SLIT2: variants seen among roughly 807,000 people sequenced by gnomAD.
SLIT2 encodes the protein slit guidance ligand 2, also known as slit homolog 2 protein.
A neutral mutation model predicts 185.7 loss-of-function variants in SLIT2; 41 were observed. The observed-to-expected ratio is 0.22, with a 90% confidence interval of 0.17 to 0.29. The LOEUF (loss-of-function observed/expected upper bound fraction) is 0.29, where lower values mean the gene tolerates loss of function less well. SLIT2 is among the 10% of genes least tolerant of loss of function. The probability of loss-of-function intolerance (pLI) is 1.00; values close to 1 mark genes in which losing one functional copy is unlikely to be tolerated. For synonymous variants in SLIT2, 693 were observed against 680.2 expected (o/e 1.02, Z -0.29); for missense variants, 1,571 against 1,909.0 (o/e 0.82, Z 3.30).
rs962548722 is a variant in SLIT2 at position 20,490,916 on chromosome 4, G to A, written c.776-845G>A. ...CTGGCTTGCAGCCTCTTCCTGGCAC[G>A]TCACCACCACTAGGGCCCTTTCCTG... On this transcript the variant is annotated intron_variant, in intron 8 of 36. Transcript: ENST00000504154. 5.3e-5 allele frequency: 46 copies of A among 872,320 alleles called. No individual in the cohort carries two copies. The East Asian group carries it at 5.6e-4, about 11-fold the overall frequency. 54.0% of individuals were successfully genotyped at this position (872,320 alleles called of 1,614,324 possible).
At chr4:20,493,741 ACAC>A (rs913950318) in intron 9 of SLIT2, among the ~76,000 whole-genome samples, 16 of 152,170 alleles carry the variant, frequency 1.1e-4, no homozygotes, top group African/African-American at 3.9e-4. Flanking sequence ...GAAATAATTA[ACAC>A]ACATAGAGCT....
chr4:20,510,569 G>A lies in SLIT2; in HGVS notation c.986+3G>A. On this transcript the variant is annotated splice_donor_region_variant and intron_variant, in intron 10 of 36. Transcript: ENST00000504154. ...CCATATAAAAAGCTTAGACGAATGT[G>A]AGTGAACAATATTCTACAATATATG... 6.4e-7 allele frequency: 1 copy of A among 1,564,908 alleles called. No individual in the cohort carries two copies. Among genetic ancestry groups the A allele is most frequent in the South Asian group, 1.1e-5 (1 of 89,924 alleles).
intron 4 of SLIT2, among the ~76,000 whole-genome samples, chr4:20,303,712 A>G (rs557045649): frequency 1.3e-5 from 2 of 152,186 alleles, no homozygotes; most frequent in Admixed American, 1.3e-4. Flanking sequence ...AGACATATGT[A>G]TGTGGTTTCT....
At chr4:20,519,351 TA>T (rs1720610823) in intron 11 of SLIT2, 30 bp from the exon 12 acceptor site, 1 of 1,153,048 alleles carries the variant, frequency 8.7e-7, no homozygotes, top group African/African-American at 1.5e-5. Flanking sequence ...GTTTGGTGTC[TA>T]ATTTTTTTCA....
Position 20,253,460 on chromosome 4 carries a change from G to T in SLIT2, c.-356G>T, listed in dbSNP as rs964896978. On this transcript the variant is annotated 5_prime_UTR_variant, in exon 1 of 37. Coordinates refer to ENST00000504154, the MANE Select transcript of SLIT2 (RefSeq NM_004787.4). Reference sequence around the variant, plus strand: ...AACCGGCCCCTGCATCTTAGCAGCCGTTGGAAGCCCCAGCTCTTTTACCGC... The same window carrying T: ...AACCGGCCCCTGCATCTTAGCAGCCTTTGGAAGCCCCAGCTCTTTTACCGC... The T allele has an allele frequency of 1.7e-5, 5 of 290,862 alleles. No homozygotes were observed. Among genetic ancestry groups the T allele is most frequent in the East Asian group, 1.4e-4 (2 of 13,988 alleles). The allele number at this position is 290,862 out of a possible 1,614,324, so 18.0% of individuals were successfully genotyped here.
intron 33 of SLIT2, among the ~76,000 whole-genome samples, chr4:20,605,699 T>TTCTTTTA (rs1728739233): frequency 6.9e-6 from 1 of 144,986 alleles, no homozygotes; most frequent in Non-Finnish European, 1.5e-5. Context: ...ATCACTGCTT[T>TTCTTTTA]TATTTTATTT....
chr4:20,466,147 A>G (rs373870133), intron 4 of SLIT2, among the ~76,000 whole-genome samples: 1 of 152,078 alleles, frequency 6.6e-6, no homozygotes, highest in African/African-American at 2.4e-5. Flanking sequence ...TGTGTCTTCT[A>G]TCTCTCTTTG....
intron 4 of SLIT2, among the ~76,000 whole-genome samples, chr4:20,289,017 G>A (rs1715546549): frequency 6.6e-6 from 1 of 152,008 alleles, no homozygotes; most frequent in Non-Finnish European, 1.5e-5. Flanking sequence ...TAAACTAGTT[G>A]AGATACGTCT....
Position 20,541,625 on chromosome 4 carries a change from A to G in SLIT2, c.2143+6A>G. ...GGACTTCACTTGTGATGACGGTAAG[A>G]AATACTTATCAACTCTTTGATTGTC... On this transcript the variant is annotated splice_donor_region_variant and intron_variant, in intron 20 of 36. Coordinates refer to ENST00000504154, the MANE Select transcript of SLIT2 (RefSeq NM_004787.4). The G allele has an allele frequency of 6.2e-7, 1 of 1,612,810 alleles. No individual in the cohort carries two copies. Among genetic ancestry groups the G allele is most frequent in the Non-Finnish European group, 8.5e-7 (1 of 1,178,856 alleles).
chr4:20,470,104 T>G lies in SLIT2; in HGVS notation c.467+2281T>G, dbSNP rs548363891. Among the ~76,000 whole-genome samples, 9 of 152,212 alleles carry G rather than the reference T, an allele frequency of 5.9e-5. No homozygotes were observed. The East Asian group carries it at 1.7e-3, about 29-fold the overall frequency. ...AATAGTTATTTGGGTTTGGTATGGT[T>G]ATTAGGGAAAGAAGATGTATGAAAG... On this transcript the variant is annotated intron_variant, in intron 5 of 36. Coordinates refer to ENST00000504154, the MANE Select transcript of SLIT2 (RefSeq NM_004787.4).
At chr4:20,562,655 A>G (rs941063386) in intron 26 of SLIT2, among the ~76,000 whole-genome samples, 1 of 151,850 alleles carries the variant, frequency 6.6e-6, no homozygotes, top group Non-Finnish European at 1.5e-5. Context: ...TAAATATTTG[A>G]TAAATTAATG....
At chr4:20,298,059 A>T (rs1221545532) in intron 4 of SLIT2, among the ~76,000 whole-genome samples, 5 of 151,804 alleles carry the variant, frequency 3.3e-5, no homozygotes, top group Non-Finnish European at 7.4e-5. Context: ...AGAAAAGAGC[A>T]TAGTAATCGG....
In SLIT2 at chr4:20,534,654, G is replaced by A. The variant is rs74519802; in HGVS notation, c.1832+939G>A. On this transcript the variant is annotated intron_variant, in intron 18 of 36. Transcript: ENST00000504154. ...AACCAAGAAGCAGTCCTTGGTGATT[G>A]TAGTGGGGAGTCTGTCTCCCTCAAA... Among the ~76,000 whole-genome samples, 751 of 152,290 alleles carry A rather than the reference G, an allele frequency of 4.9e-3. 5 individuals are homozygous for A. Among genetic ancestry groups the A allele is most frequent in the African/African-American group, 0.017 (708 of 41,556 alleles).
intron 4 of SLIT2, among the ~76,000 whole-genome samples, chr4:20,368,547 A>G (rs1349383275): frequency 6.6e-6 from 1 of 152,162 alleles, no homozygotes; most frequent in African/African-American, 2.4e-5. Flanking sequence ...GAGGTTTCCC[A>G]GCAACAAATT....
rs1715274002 is a variant in SLIT2 at position 20,472,329 on chromosome 4, T to TATATATATCTAG, written c.467+4511_467+4512insTATCTAGATATA. Reference sequence around the variant, plus strand: ...ATCTATATATAGATATATATATCTATATATAGATCTATATATAGATATAGA... The same window carrying TATATATATCTAG: ...ATCTATATATAGATATATATATCTATATATATATCTAGATATAGATCTATATATAGATATAGA... On this transcript the variant is annotated intron_variant, in intron 5 of 36. Transcript: ENST00000504154. 8.6e-5 allele frequency among the ~76,000 whole-genome samples: 8 copies of TATATATATCTAG among 92,856 alleles called. 1 individual carries two copies. The highest frequency in any genetic ancestry group is 3.3e-4 in the African/African-American group (7 of 21,280). The allele number at this position is 92,856 out of a possible 152,430, so 60.9% of individuals were successfully genotyped here. A position where few individuals can be genotyped will look rare whatever the true frequency, so the allele number is the denominator to read the frequency against.
At chr4:20,606,481 C>CAA (rs35581868) in intron 33 of SLIT2, among the ~76,000 whole-genome samples, 19,713 of 142,510 alleles carry the variant, frequency 0.14, 1,613 homozygotes, top group East Asian at 0.36. Context: ...GACTCTGTCT[C>CAA]AAAAAAAAAA....
At chr4:20,596,711 A>G in intron 32 of SLIT2, 56 bp downstream of exon 32, 1 of 1,540,466 alleles carries the variant, frequency 6.5e-7, no homozygotes, top group South Asian at 1.2e-5. Context: ...AGCTTCAGAG[A>G]ATAAACATTT....
intron 9 of SLIT2, among the ~76,000 whole-genome samples, chr4:20,492,847 G>A (rs541765561): frequency 1.3e-5 from 2 of 152,124 alleles, no homozygotes; most frequent in African/African-American, 4.8e-5. Flanking sequence ...TACCTTATAT[G>A]AGAATAATTT....
intron 5 of SLIT2, among the ~76,000 whole-genome samples, chr4:20,469,743 A>C (rs1420958251): frequency 7.8e-6 from 1 of 128,372 alleles, no homozygotes; most frequent in African/African-American, 2.9e-5. Context: ...ATTAAGCCTT[A>C]GTTTTTACTT....
Sources: gnomAD v4.1 joint callset for allele counts (sites outside exome capture counted in the v4.1 genomes callset) on GRCh38, gnomAD v4.1.1 for gene constraint, MANE v1.5 for transcripts, NCBI Gene and HGNC (gene_info 2026-07-23, HGNC 2026-07-21) for gene names.